The following DISC1 variants were observed in gnomAD, a reference collection of about 807,000 sequenced individuals.
DISC1 encodes the protein DISC1 scaffold protein.
DISC1 carries 57 observed loss-of-function variants against 84.5 expected under a neutral mutation model. That is an observed-to-expected ratio of 0.67 (90% CI 0.55 to 0.84). The LOEUF is 0.84. Ranked by LOEUF, DISC1 falls within the 40% of genes least tolerant of loss-of-function variation. The pLI is 0.00. For synonymous variants in DISC1, 411 were observed against 415.2 expected (o/e 0.99, Z 0.12); for missense variants, 1,000 against 1,057.8 (o/e 0.95, Z 0.76).
chr1:231,908,089 G>A (rs1431328517), intron 9 of DISC1, among the ~76,000 whole-genome samples: 1 of 152,126 alleles, frequency 6.6e-6, no homozygotes, highest in Admixed American at 6.5e-5. Flanking sequence ...TTTGTCAGAT[G>A]GGTAGATTTT....
intron 11 of DISC1, among the ~76,000 whole-genome samples, chr1:232,011,717 A>G (rs74975502): frequency 0.023 from 3,550 of 152,264 alleles, 134 homozygotes; most frequent in African/African-American, 0.08. Context: ...GTGTATGTCT[A>G]AATCCATAAT....
chr1:231,729,840 A>T (rs536820251), intron 3 of DISC1, among the ~76,000 whole-genome samples: 1 of 151,944 alleles, frequency 6.6e-6, no homozygotes, highest in Admixed American at 6.6e-5. Flanking sequence ...TGGGCCTAAC[A>T]CTGGTATGTT....
Position 232,040,650 on chromosome 1 carries a change from T to A in DISC1, c.*3819T>A, listed in dbSNP as rs568119027. 1 of 152,314 alleles carries A rather than the reference T, an allele frequency of 6.6e-6. No individual in the cohort carries two copies. Among genetic ancestry groups the A allele is most frequent in the Admixed American group, 6.5e-5 (1 of 15,296 alleles). The allele number at this position is 152,314 out of a possible 1,614,324, so 9.4% of individuals were successfully genotyped here. A position where few individuals can be genotyped will look rare whatever the true frequency, so the allele number is the denominator to read the frequency against. On this transcript the variant is annotated 3_prime_UTR_variant, in exon 13 of 13. Transcript: ENST00000439617. Reference sequence around the variant, plus strand: ...AGTTCCTTTAATGTCCTTTTGAGATTTTGAGCCATGGAACTTACTTGTTCA... The same window carrying A: ...AGTTCCTTTAATGTCCTTTTGAGATATTGAGCCATGGAACTTACTTGTTCA...
At chr1:231,790,447 A>AGCTG (rs1370781714) in intron 6 of DISC1, among the ~76,000 whole-genome samples, 1 of 152,018 alleles carries the variant, frequency 6.6e-6, no homozygotes, top group Non-Finnish European at 1.5e-5. Flanking sequence ...GCTTGCAGAC[A>AGCTG]GCTGTCTTCT....
At position 231,875,447 on chromosome 1, in the gene DISC1, G is replaced by T. The variant is rs561937308; in HGVS notation, c.1981+56930G>T. 3.9e-5 allele frequency among the ~76,000 whole-genome samples: 6 copies of T among 152,238 alleles called. No individual in the cohort carries two copies. In the South Asian group the frequency reaches 8.3e-4, roughly 21 times the overall value. ...GGCAATGTCTGCTGCTGTAAGGATG[G>T]CCAGCTGCCTACCAAGGTTTGAAAT... On this transcript the variant is annotated intron_variant, in intron 9 of 12. Transcript: ENST00000439617.
intron 9 of DISC1, among the ~76,000 whole-genome samples, chr1:231,905,307 G>A (rs1352677998): frequency 2.0e-5 from 3 of 152,202 alleles, no homozygotes; most frequent in Non-Finnish European, 2.9e-5. Flanking sequence ...CTTCAGAAGT[G>A]CCAAGGTCAA....
At chr1:231,878,495 TGGGGAGCTGAGAG>T (rs2086055005) in intron 9 of DISC1, among the ~76,000 whole-genome samples, 1 of 152,078 alleles carries the variant, frequency 6.6e-6, no homozygotes, top group African/African-American at 2.4e-5. Context: ...TCAGCAGAGA[TGGGGAGCTGAGAG>T]GGGTAGCCCT....
At chr1:231,654,520 T>C (rs1208849554) in intron 1 of DISC1, among the ~76,000 whole-genome samples, 1 of 152,164 alleles carries the variant, frequency 6.6e-6, no homozygotes, top group African/African-American at 2.4e-5. Context: ...TATTGCATTA[T>C]TATTAACTAT....
chr1:231,790,943 G>C (rs1281329432), intron 6 of DISC1, among the ~76,000 whole-genome samples: 1 of 152,116 alleles, frequency 6.6e-6, no homozygotes, highest in African/African-American at 2.4e-5. Context: ...TTAGGTACTG[G>C]GGATTCGGAC....
At chr1:231,866,021 G>A (rs565676290) in intron 9 of DISC1, among the ~76,000 whole-genome samples, 8 of 152,154 alleles carry the variant, frequency 5.3e-5, no homozygotes, top group East Asian at 1.9e-4. Flanking sequence ...TTGGATTATC[G>A]ATCTCATTGT....
chr1:231,782,808 G>A (rs2077532667), intron 6 of DISC1, among the ~76,000 whole-genome samples: 1 of 151,966 alleles, frequency 6.6e-6, no homozygotes, highest in South Asian at 2.1e-4. Flanking sequence ...CGGCTGTGGT[G>A]GCACGTCTGT....
At chr1:231,955,233 G>A (rs1032489390) in intron 9 of DISC1, among the ~76,000 whole-genome samples, 3 of 152,170 alleles carry the variant, frequency 2.0e-5, no homozygotes, top group East Asian at 3.9e-4. Flanking sequence ...TAGTGATACT[G>A]TCCAGTCTCA....
intron 8 of DISC1, among the ~76,000 whole-genome samples, chr1:231,802,247 T>C (rs2079327880): frequency 6.6e-6 from 1 of 152,090 alleles, no homozygotes; most frequent in African/African-American, 2.4e-5. Context: ...TGGGAGGTGT[T>C]TGGATCATGA....
intron 8 of DISC1, among the ~76,000 whole-genome samples, chr1:231,803,573 G>C (rs2079451045): frequency 6.6e-6 from 1 of 152,092 alleles, no homozygotes. Flanking sequence ...CTTGCCACAA[G>C]AGCTGTGCCC....
chr1:231,791,443 T>C (rs1178472631), intron 6 of DISC1, among the ~76,000 whole-genome samples: 1 of 152,244 alleles, frequency 6.6e-6, no homozygotes, highest in Non-Finnish European at 1.5e-5. Flanking sequence ...ACAATGTAGA[T>C]AATTAGAGTT....
chr1:231,704,759 CAAAAAAAAAAA>C (rs146300199), intron 3 of DISC1, among the ~76,000 whole-genome samples: 2 of 24,356 alleles, frequency 8.2e-5, no homozygotes, highest in Admixed American at 1.2e-3. Context: ...GACTCCGTCT[CAAAAAAAAAAA>C]AAAAAAAAAA....
intron 4 of DISC1, among the ~76,000 whole-genome samples, chr1:231,759,135 C>T (rs191185859): frequency 1.6e-4 from 25 of 152,298 alleles, no homozygotes; most frequent in Non-Finnish European, 3.4e-4. Flanking sequence ...GAATGTTGTG[C>T]AGCACCATGA....
chr1:231,734,440 C>T (rs1169620020), intron 3 of DISC1, among the ~76,000 whole-genome samples: 1 of 152,084 alleles, frequency 6.6e-6, no homozygotes, highest in African/African-American at 2.4e-5. Context: ...TGTCTATAAA[C>T]TGCAACTTAA....
intron 9 of DISC1, among the ~76,000 whole-genome samples, chr1:231,950,204 C>A (rs945611142): frequency 6.5e-5 from 9 of 139,524 alleles, no homozygotes; most frequent in Non-Finnish European, 1.4e-4. Flanking sequence ...AAAAAAAATT[C>A]TGTGTGTGTG....
Sources: gnomAD v4.1 joint callset for allele counts (sites outside exome capture counted in the v4.1 genomes callset) on GRCh38, gnomAD v4.1.1 for gene constraint, MANE v1.5 for transcripts, NCBI Gene and HGNC (gene_info 2026-07-23, HGNC 2026-07-21) for gene names.